The following CDHR3 variants were observed in gnomAD, a reference collection of about 807,000 sequenced individuals.
The protein encoded by CDHR3 is cadherin-related family member 3.
In CDHR3, 79 loss-of-function variants were observed where a neutral mutation model predicts 86.6. The observed-to-expected ratio is 0.91, with a 90% CI of 0.76 to 1.10. The LOEUF is 1.10. Among genes scored for constraint, CDHR3 ranks in the 50% least tolerant of loss-of-function variants. The pLI, the probability that CDHR3 is intolerant of heterozygous loss-of-function variation, is 0.00. For missense variants in CDHR3, 1,081 were observed against 1,077.6 expected (o/e 1.00, Z -0.04); for synonymous variants, 421 against 402.4 (o/e 1.05, Z -0.55).
Position 106,001,506 on chromosome 7 carries a change from C to A in CDHR3, c.758C>A (p.Thr253Asn), listed in dbSNP as rs1024206015. The A allele has an allele frequency of 8.1e-6, 13 of 1,613,908 alleles. No homozygotes were observed. The highest frequency in any genetic ancestry group is 2.7e-5 in the African/African-American group (2 of 74,916). The change falls in exon 7 of 19, where the codon ACC becomes AAC. Residue 253 changes from threonine to asparagine, a missense_variant. Transcript: ENST00000317716. Reference protein sequence around the residue: ...YTVLEELSPGTIVANITAEDP... With the variant: ...YTVLEELSPGNIVANITAEDP... ...GTCCTGGAGGAACTGAGTCCAGGAA[C>A]CATCGTGGCCAATATCACAGCGGAG... is the stretch of plus-strand genomic sequence containing the variant.
intron 1 of CDHR3, among the ~76,000 whole-genome samples, chr7:105,972,985 C>T (rs140752286): frequency 1.4e-3 from 210 of 152,322 alleles, no homozygotes; most frequent in African/African-American, 4.8e-3. Flanking sequence ...CACCCCACCC[C>T]GCACCAACTG....
intron 3 of CDHR3, among the ~76,000 whole-genome samples, chr7:105,983,154 A>G (rs1191986587): frequency 6.6e-6 from 1 of 152,144 alleles, no homozygotes; most frequent in Non-Finnish European, 1.5e-5. Flanking sequence ...TTTGCTATCC[A>G]TATCTTCCCA....
chr7:105,980,852 T>A, intron 2 of CDHR3, 116 bp from the exon 3 acceptor site: 1 of 940,974 alleles, frequency 1.1e-6, no homozygotes, highest in Non-Finnish European at 1.6e-6. Context: ...AGTGAATGAA[T>A]GCTGGTTTCC....
intron 16 of CDHR3, chr7:106,027,707 C>G (rs1010801477): frequency 2.2e-6 from 1 of 449,546 alleles, no homozygotes; most frequent in Non-Finnish European, 4.5e-6. Context: ...AGGCATGTGT[C>G]TGACATGCTT....
chr7:105,968,057 T>C (rs2115597347), intron 1 of CDHR3, among the ~76,000 whole-genome samples: 1 of 152,376 alleles, frequency 6.6e-6, no homozygotes, highest in Non-Finnish European at 1.5e-5. Flanking sequence ...TGGTATTGCC[T>C]AGGTTTTCTT....
intron 12 of CDHR3, 33 bp from the exon 13 acceptor site, chr7:106,020,340 C>T (rs369456968): frequency 7.1e-5 from 110 of 1,548,658 alleles, no homozygotes; most frequent in Non-Finnish European, 9.6e-5. Flanking sequence ...TGAGTTTTAG[C>T]TATTGAGAAT....
intron 6 of CDHR3, among the ~76,000 whole-genome samples, chr7:105,999,821 G>C (rs1832854920): frequency 6.6e-6 from 1 of 152,240 alleles, no homozygotes; most frequent in African/African-American, 2.4e-5. Context: ...CCTGAGGTCT[G>C]CATGTCTAAC....
At chr7:105,965,242 G>A (rs1437415381) in intron 1 of CDHR3, among the ~76,000 whole-genome samples, 1 of 152,060 alleles carries the variant, frequency 6.6e-6, no homozygotes, top group Non-Finnish European at 1.5e-5. Flanking sequence ...CTTCTAGCGG[G>A]GCAGCCACAT....
At chr7:105,990,764 T>A (rs1215934091) in intron 4 of CDHR3, among the ~76,000 whole-genome samples, 6 of 152,172 alleles carry the variant, frequency 3.9e-5, no homozygotes, top group African/African-American at 1.4e-4. Flanking sequence ...TGGCACAGGT[T>A]GAATCATTGG....
rs369211422 is a variant in CDHR3 at position 106,026,678 on chromosome 7, A to G, written c.2259-4A>G. 1.1e-4 allele frequency: 176 copies of G among 1,613,534 alleles called. No homozygotes were observed. In the African/African-American group the frequency reaches 1.5e-3, roughly 14 times the overall value. On this transcript the variant is annotated splice_region_variant and splice_polypyrimidine_tract_variant and intron_variant, in intron 15 of 18. Transcript: ENST00000317716. ...ATTAATAGCCATTCTTTTTCCCCCC[A>G]TAGGACAAAGAAAGGAGGTATGTAC...
intron 6 of CDHR3, among the ~76,000 whole-genome samples, chr7:105,999,759 T>A (rs1478078401): frequency 1.3e-5 from 2 of 151,320 alleles, no homozygotes; most frequent in Non-Finnish European, 2.9e-5. Flanking sequence ...GCAGATTAGC[T>A]GGGCATCTTG....
intron 10 of CDHR3, among the ~76,000 whole-genome samples, chr7:106,015,637 A>AC (rs1340247263): frequency 6.6e-6 from 1 of 151,430 alleles, no homozygotes; most frequent in African/African-American, 2.4e-5. Flanking sequence ...TGCCTACAAC[A>AC]CCCCCCAATC....
intron 18 of CDHR3, 100 bp from the exon 19 acceptor site, chr7:106,032,293 T>C (rs1838493965): frequency 1.7e-6 from 2 of 1,181,914 alleles, no homozygotes; most frequent in South Asian, 1.6e-5. Context: ...GTGTGCTTCA[T>C]CTTCCCTTGG....
chr7:105,972,986 G>C (rs541802644), intron 1 of CDHR3, among the ~76,000 whole-genome samples: 1 of 151,920 alleles, frequency 6.6e-6, no homozygotes. Flanking sequence ...ACCCCACCCC[G>C]CACCAACTGA....
chr7:106,001,972 G>A (rs912710026), intron 7 of CDHR3, among the ~76,000 whole-genome samples: 6 of 152,182 alleles, frequency 3.9e-5, no homozygotes, highest in African/African-American at 1.4e-4. Flanking sequence ...TTGAATCTGA[G>A]GATGCAGAAC....
intron 2 of CDHR3, 43 bp from the exon 3 acceptor site, chr7:105,980,925 T>A: frequency 6.4e-7 from 1 of 1,553,588 alleles, no homozygotes; most frequent in Non-Finnish European, 8.7e-7. Flanking sequence ...GCAAAACAGA[T>A]CTTCTTTCAC....
intron 18 of CDHR3, among the ~76,000 whole-genome samples, chr7:106,031,200 G>GC (rs374632062): frequency 5.8e-4 from 88 of 151,614 alleles, no homozygotes; most frequent in East Asian, 1.9e-3. Flanking sequence ...GGTACTGATT[G>GC]CCCCCCCCAG....
rs779308956 is a variant in CDHR3, at chr7:106,015,232, T to C, written c.1327+19T>C. On this transcript the variant is annotated intron_variant, in intron 10 of 18. Transcript: ENST00000317716. ...TATAAAAGCAAGTATCATTTTGTTTTATTTCATGATTGTCTTTCTTGAGTA... is the reference window on the plus strand; with the variant it reads ...TATAAAAGCAAGTATCATTTTGTTTCATTTCATGATTGTCTTTCTTGAGTA... The C allele has an allele frequency of 6.3e-7, 1 of 1,577,550 alleles. No individual in the cohort carries two copies. The highest frequency in any genetic ancestry group is 1.3e-5 in the African/African-American group (1 of 74,170).
chr7:106,003,831 T>G (rs1372990394), intron 7 of CDHR3, among the ~76,000 whole-genome samples: 1 of 152,012 alleles, frequency 6.6e-6, no homozygotes, highest in Non-Finnish European at 1.5e-5. Context: ...CCCTGTCAGC[T>G]GATAGTGTAG....
Sources: allele counts gnomAD v4.1 joint callset (sites outside exome capture counted in the v4.1 genomes callset), GRCh38; gene constraint gnomAD v4.1.1; transcripts MANE v1.5; gene names NCBI Gene and HGNC (gene_info 2026-07-23, HGNC 2026-07-21).